The following LAPTM4B variants were observed in gnomAD, a reference collection of about 807,000 sequenced individuals.
LAPTM4B encodes the protein lysosomal protein transmembrane 4 beta.
Under a neutral mutation model 28.5 loss-of-function variants are expected in LAPTM4B, and 26 were observed. The ratio of observed to expected loss-of-function variants is 0.91; its 90% CI spans 0.67 to 1.27. The LOEUF (loss-of-function observed/expected upper bound fraction) is 1.27. LAPTM4B is among the 50% of genes most tolerant of loss of function. LAPTM4B has a pLI of 0.00. For missense variants in LAPTM4B, 288 were observed against 285.8 expected, an observed-to-expected ratio of 1.01 and a Z score of -0.06; for synonymous variants, 109 against 106.4, an observed-to-expected ratio of 1.02 and a Z score of -0.15.
intron 1 of LAPTM4B, 51 bp downstream of exon 1, chr8:97,776,159 G>A (rs752089990): frequency 6.6e-7 from 1 of 1,522,748 alleles, no homozygotes; most frequent in African/African-American, 1.4e-5. Context: ...CGCGCCCCTA[G>A]CTGGGCTTCT....
intron 6 of LAPTM4B, among the ~76,000 whole-genome samples, chr8:97,846,963 C>T (rs1817443272): frequency 6.6e-6 from 1 of 152,202 alleles, no homozygotes. Flanking sequence ...CTCCCCCCAA[C>T]TGTTCTATAT....
chr8:97,848,862 G>C (rs527608184), intron 6 of LAPTM4B, among the ~76,000 whole-genome samples: 4 of 152,180 alleles, frequency 2.6e-5, no homozygotes, highest in Non-Finnish European at 4.4e-5. Flanking sequence ...TGCGCTGGGG[G>C]CTCAGTCCTA....
At chr8:97,824,961 G>A in intron 5 of LAPTM4B, 97 bp from the exon 6 acceptor site, 1 of 684,948 alleles carries the variant, frequency 1.5e-6, no homozygotes, top group Non-Finnish European at 2.6e-6. Context: ...TATTGCTTAT[G>A]TCAATAAAAG....
At chr8:97,776,945 C>T (rs62521743) in intron 1 of LAPTM4B, among the ~76,000 whole-genome samples, 33,507 of 151,720 alleles carry the variant, frequency 0.22, 4,300 homozygotes, top group East Asian at 0.34. Context: ...GAGTCTTGCC[C>T]GCACCTGCCC....
Position 97,851,508 on chromosome 8 carries a change from T to A in LAPTM4B, c.*34T>A. ...GTGGGCGGAGCTGAGGGCAGCAGCT[T>A]GACTTTGCAGACATCTGAGCAATAG... On this transcript the variant is annotated 3_prime_UTR_variant, in exon 7 of 7. Transcript: ENST00000521545. 6.6e-7 allele frequency: 1 copy of A among 1,517,276 alleles called. No homozygotes were observed. Among genetic ancestry groups the A allele is most frequent in the Non-Finnish European group, 9.2e-7 (1 of 1,092,274 alleles). 94.0% of individuals were successfully genotyped at this position (1,517,276 alleles called of 1,614,324 possible). A position where few individuals can be genotyped will look rare whatever the true frequency, so the allele number is the denominator to read the frequency against.
At chr8:97,804,730 T>C (rs1160934278) in intron 1 of LAPTM4B, among the ~76,000 whole-genome samples, 1 of 152,084 alleles carries the variant, frequency 6.6e-6, no homozygotes, top group Non-Finnish European at 1.5e-5. Context: ...TTAAAGAAGG[T>C]GATTGTCATT....
chr8:97,844,807 A>C (rs1249166641), intron 6 of LAPTM4B, among the ~76,000 whole-genome samples: 1 of 152,184 alleles, frequency 6.6e-6, no homozygotes, highest in African/African-American at 2.4e-5. Flanking sequence ...AGGCCGAAGG[A>C]ATGGGTAGTC....
chr8:97,822,709 T>A (rs1421748282), intron 5 of LAPTM4B, among the ~76,000 whole-genome samples: 1 of 152,090 alleles, frequency 6.6e-6, no homozygotes, highest in Non-Finnish European at 1.5e-5. Flanking sequence ...TTTAAAAAAA[T>A]TTTGTGGGTA....
At chr8:97,786,299 C>A (rs1816398794) in intron 1 of LAPTM4B, among the ~76,000 whole-genome samples, 1 of 151,898 alleles carries the variant, frequency 6.6e-6, no homozygotes, top group Non-Finnish European at 1.5e-5. Context: ...TGCCTCTTTG[C>A]AGTTGCAGCT....
In LAPTM4B at chr8:97,835,489, T is replaced by C. The variant is rs371582753; in HGVS notation, c.603+10336T>C. Among the ~76,000 whole-genome samples the C allele has an allele frequency of 3.9e-5, 6 of 152,204 alleles. No individual in the cohort carries two copies. The East Asian group carries it at 9.6e-4, about 24-fold the overall frequency. On this transcript the variant is annotated intron_variant, in intron 6 of 6. Coordinates refer to ENST00000521545, the MANE Select transcript of LAPTM4B (RefSeq NM_018407.6). The stretch of plus-strand genomic sequence containing the variant: ...TAACGCAGAAGGTCACAAACTCTGT[T>C]CATAATGCTTTAGAGTCATCCCGCC...
chr8:97,775,943 G>C lies in LAPTM4B; in HGVS notation c.-67G>C, dbSNP rs1816199856. 2.0e-6 allele frequency: 3 copies of C among 1,485,714 alleles called. No individual in the cohort carries two copies. The highest frequency in any genetic ancestry group is 1.8e-6 in the Non-Finnish European group (2 of 1,127,102). The allele number at this position is 1,485,714 out of a possible 1,614,324, so 92.0% of individuals were successfully genotyped here. On this transcript the variant is annotated 5_prime_UTR_variant, in exon 1 of 7. Transcript: ENST00000521545. ...GGAGCCGGCAGCAGCGGCGCGGCGGGCTCCAGGCGAGGCGGTCGACGCTCC... is the reference window on the plus strand; with the variant it reads ...GGAGCCGGCAGCAGCGGCGCGGCGGCCTCCAGGCGAGGCGGTCGACGCTCC...
chr8:97,837,315 C>A (rs961309849), intron 6 of LAPTM4B, among the ~76,000 whole-genome samples: 1 of 151,648 alleles, frequency 6.6e-6, no homozygotes, highest in African/African-American at 2.4e-5. Context: ...GTCTCAGCCT[C>A]CTGAGTAGCT....
At chr8:97,840,999 G>C (rs7003400) in intron 6 of LAPTM4B, among the ~76,000 whole-genome samples, 1 of 150,970 alleles carries the variant, frequency 6.6e-6, no homozygotes, top group Admixed American at 6.6e-5. Flanking sequence ...TGGGGAGCTG[G>C]GTAGAGGCGC....
chr8:97,830,368 G>A (rs957043590), intron 6 of LAPTM4B, among the ~76,000 whole-genome samples: 2 of 152,156 alleles, frequency 1.3e-5, no homozygotes, highest in African/African-American at 4.8e-5. Flanking sequence ...AGAGAGTTAA[G>A]GGTGGCACCT....
At chr8:97,792,275 A>G (rs1252416671) in intron 1 of LAPTM4B, among the ~76,000 whole-genome samples, 1 of 151,626 alleles carries the variant, frequency 6.6e-6, no homozygotes, top group Non-Finnish European at 1.5e-5. Flanking sequence ...TATTTTTTTG[A>G]TACAAGATCA....
intron 6 of LAPTM4B, among the ~76,000 whole-genome samples, chr8:97,839,493 A>G (rs1001487873): frequency 8.5e-5 from 13 of 152,138 alleles, no homozygotes; most frequent in African/African-American, 3.1e-4. Flanking sequence ...GCGCCCGGCC[A>G]CCAACAATAA....
intron 2 of LAPTM4B, among the ~76,000 whole-genome samples, chr8:97,814,724 C>T (rs1055155795): frequency 6.6e-5 from 10 of 150,984 alleles, no homozygotes; most frequent in Non-Finnish European, 5.9e-5. Context: ...GATGGAGTCT[C>T]GCTCTATCGC....
Position 97,832,676 on chromosome 8 carries a change from T to TTTTATTTTA in LAPTM4B, c.603+7526_603+7527insATTTTATTT, listed in dbSNP as rs1554592877. Reference sequence around the variant, plus strand: ...TCTGACGATATTTTTTATTTATTTATTTTTATTTTATTTTATTTTATTTTA... The same window carrying TTTTATTTTA: ...TCTGACGATATTTTTTATTTATTTATTTTATTTTATTTTATTTTATTTTATTTTATTTTA... On this transcript the variant is annotated intron_variant, in intron 6 of 6. Coordinates refer to ENST00000521545, the MANE Select transcript of LAPTM4B (RefSeq NM_018407.6). 3.5e-5 allele frequency among the ~76,000 whole-genome samples: 4 copies of TTTTATTTTA among 113,094 alleles called. No homozygotes were observed. In the East Asian group the frequency reaches 1.1e-3, roughly 32 times the overall value. The allele number at this position is 113,094 out of a possible 152,430, so 74.2% of individuals were successfully genotyped here. A position where few individuals can be genotyped will look rare whatever the true frequency, so the allele number is the denominator to read the frequency against.
intron 1 of LAPTM4B, among the ~76,000 whole-genome samples, chr8:97,787,030 A>G (rs1270914229): frequency 1.3e-5 from 2 of 152,044 alleles, no homozygotes; most frequent in Non-Finnish European, 2.9e-5. Context: ...CCACCATCCC[A>G]AATATTGTGC....
Sources: allele counts gnomAD v4.1 joint callset (sites outside exome capture counted in the v4.1 genomes callset), GRCh38; gene constraint gnomAD v4.1.1; transcripts MANE v1.5; gene names NCBI Gene and HGNC (gene_info 2026-07-23, HGNC 2026-07-21).